The following NOTCH3 variants were observed in gnomAD, a reference collection of about 807,000 sequenced individuals.
NOTCH3 encodes notch receptor 3.
Under a neutral mutation model 213.3 loss-of-function variants are expected in NOTCH3, and 86 were observed. The observed-to-expected ratio is 0.40, with a 90% CI of 0.34 to 0.48. NOTCH3 has a LOEUF of 0.48. Ranked by LOEUF, NOTCH3 falls within the 20% of genes least tolerant of loss-of-function variation. The pLI, the probability that NOTCH3 is intolerant of heterozygous loss-of-function variation, is 0.57. For missense variants in NOTCH3, 2,783 were observed against 3,272.6 expected (o/e 0.85, Z 3.65); for synonymous variants, 1,354 against 1,355.9 (o/e 1.00, Z 0.03).
At chr19:15,176,159 A>ATTTTTTTTT (rs34620350) in intron 24 of NOTCH3, among the ~76,000 whole-genome samples, 1 of 119,980 alleles carries the variant, frequency 8.3e-6, no homozygotes, top group Non-Finnish European at 1.7e-5. Context: ...AACAAAAGCA[A>ATTTTTTTTT]TTTTTTTTTT....
At position 15,179,009 on chromosome 19, in the gene NOTCH3, C is replaced by T. The variant is rs767793469; in HGVS notation, c.3718+16G>A. 6.2e-7 allele frequency: 1 copy of T among 1,614,212 alleles called. No individual in the cohort carries two copies. The highest frequency in any genetic ancestry group is 1.1e-5 in the South Asian group (1 of 91,090). ...GACAGGCGGGGTCCCAGGCCAGCCCCTTCGCCAACGCTTACCTGAGAAGCC... is the reference window on the plus strand; with the variant it reads ...GACAGGCGGGGTCCCAGGCCAGCCCTTTCGCCAACGCTTACCTGAGAAGCC... On this transcript the variant is annotated intron_variant, in intron 22 of 32. Coordinates refer to ENST00000263388, the MANE Select transcript of NOTCH3 (RefSeq NM_000435.3).
At chr19:15,188,467 C>T in intron 8 of NOTCH3, 119 bp from the exon 9 acceptor site, 1 of 728,020 alleles carries the variant, frequency 1.4e-6, no homozygotes. Context: ...TCGTCCCCAC[C>T]TCTACACTCC....
intron 24 of NOTCH3, 40 bp from the exon 25 acceptor site, chr19:15,174,440 G>A (rs773220215): frequency 9.8e-6 from 14 of 1,434,950 alleles, no homozygotes; most frequent in South Asian, 4.1e-5. Flanking sequence ...CGGAGTCAGG[G>A]GTCAGAGGAG....
chr19:15,170,624 GC>G, intron 26 of NOTCH3, 46 bp downstream of exon 26: 4 of 1,546,338 alleles, frequency 2.6e-6, no homozygotes, highest in Admixed American at 1.9e-5. Flanking sequence ...GGCTTCGGCC[GC>G]CCCCAGCTCC....
chr19:15,178,189 GGA>G (rs990705859), intron 23 of NOTCH3, 99 bp from the exon 24 acceptor site: 1 of 712,542 alleles, frequency 1.4e-6, no homozygotes, highest in Non-Finnish European at 2.3e-6. Context: ...AGAGTCAAGG[GGA>G]GAGAGGGGGA....
chr19:15,180,364 G>T, intron 19 of NOTCH3, 108 bp from the exon 20 acceptor site: 5 of 1,226,376 alleles, frequency 4.1e-6, no homozygotes, highest in Non-Finnish European at 5.8e-6. Flanking sequence ...CCCCAGGATC[G>T]CACCCACACT....
In NOTCH3 at chr19:15,184,958, G is replaced by A. The variant is rs754220821; in HGVS notation, c.2358C>T (p.Cys786=). The A allele has an allele frequency of 3.2e-5, 49 of 1,548,392 alleles. No individual in the cohort carries two copies. The highest frequency in any genetic ancestry group is 1.7e-4 in the Middle Eastern group (1 of 5,792). The change falls in exon 15 of 33, where the codon TGC becomes TGT. Residue 786 remains cysteine (C), a synonymous_variant. Coordinates refer to ENST00000263388, the MANE Select transcript of NOTCH3 (RefSeq NM_000435.3). ...TPNPCEHGGR[C]ESAPGQLPVC... ...CAGGCAGCTGGCCAGGGGCAGACTC[G>A]CAGCGGCCCCCATGCTCACAGGGGT... is the stretch of plus-strand genomic sequence containing the variant.
At chr19:15,172,486 C>T (rs973480655) in intron 25 of NOTCH3, among the ~76,000 whole-genome samples, 1 of 151,748 alleles carries the variant, frequency 6.6e-6, no homozygotes, top group Non-Finnish European at 1.5e-5. Flanking sequence ...AACCACTCTC[C>T]TTCATCCCTC....
chr19:15,199,070 G>A (rs1376431927), intron 1 of NOTCH3, among the ~76,000 whole-genome samples: 1 of 152,212 alleles, frequency 6.6e-6, no homozygotes, highest in Non-Finnish European at 1.5e-5. Flanking sequence ...ACCTGTGGGT[G>A]TTCGTGAACT....
intron 24 of NOTCH3, among the ~76,000 whole-genome samples, chr19:15,175,590 T>TATATAC (rs150169616): frequency 1.9e-5 from 2 of 107,134 alleles, no homozygotes; most frequent in Admixed American, 1.2e-4. Context: ...TATATGTATA[T>TATATAC]ACACACACAC....
At chr19:15,193,298 G>C (rs1191374620) in intron 2 of NOTCH3, among the ~76,000 whole-genome samples, 1 of 151,212 alleles carries the variant, frequency 6.6e-6, no homozygotes, top group African/African-American at 2.4e-5. Context: ...GTGCAGTGGC[G>C]CGATCTTGGC....
At position 15,159,772 on chromosome 19, in the gene NOTCH3, G is replaced by A. The variant is rs1044123; in HGVS notation, c.*890C>T. On this transcript the variant is annotated 3_prime_UTR_variant, in exon 33 of 33. Transcript: ENST00000263388. The stretch of plus-strand genomic sequence containing the variant: ...CCTAAAAATACCTCTATTCTGCCAT[G>A]AGGCTGGGCCAGAGGATTACCAGGA... The A allele has an allele frequency of 0.7, 162,150 of 233,184 alleles. 57,613 individuals are homozygous for A. Among genetic ancestry groups the A allele is most frequent in the Non-Finnish European group, 0.77 (90,668 of 117,934 alleles). 14.4% of individuals were successfully genotyped at this position (233,184 alleles called of 1,614,324 possible).
chr19:15,197,173 G>A (rs558814254), intron 2 of NOTCH3, among the ~76,000 whole-genome samples: 1 of 152,258 alleles, frequency 6.6e-6, no homozygotes, highest in African/African-American at 2.4e-5. Context: ...CCTACCTCAT[G>A]GGGGGCTTTA....
intron 24 of NOTCH3, among the ~76,000 whole-genome samples, chr19:15,175,573 A>G (rs2046781779): frequency 2.6e-5 from 1 of 38,182 alleles, no homozygotes; most frequent in East Asian, 5.7e-4. Flanking sequence ...ATATATATAT[A>G]TGTATATATA....
Position 15,180,188 on chromosome 19 carries a change from C to G in NOTCH3, c.3211G>C (p.Val1071Leu), listed in dbSNP as rs760205888. 3.1e-6 allele frequency: 5 copies of G among 1,613,880 alleles called. No individual in the cohort carries two copies. The highest frequency in any genetic ancestry group is 4.2e-6 in the Non-Finnish European group (5 of 1,179,962). ...CTACCAGTACGGCCCTCTGGGCACA[C>G]GCAGTAGTGGGAGCTGTCTTCATCC... ...CVDEDSSHYC[V>L]CPEGRTGSHC... Residue 1071 changes from valine to leucine, a missense_variant, in exon 20 of 33, where the codon GTG becomes CTG. Physicochemically the swap from Val to Leu is conservative, Grantham distance 32. Around this residue, in one of 6 missense-constraint regions of NOTCH3, gnomAD observed 861 missense variants for 909.1 expected, o/e 0.95. Coordinates refer to ENST00000263388, the MANE Select transcript of NOTCH3 (RefSeq NM_000435.3).
In NOTCH3 at chr19:15,160,174, G is replaced by A. The variant is rs372607689; in HGVS notation, c.*488C>T. ...TAGGTACACAGAATCCAGCTTGGCCGAATGGGCCCACAGACTCAGCCCCAC... is the reference window on the plus strand; with the variant it reads ...TAGGTACACAGAATCCAGCTTGGCCAAATGGGCCCACAGACTCAGCCCCAC... On this transcript the variant is annotated 3_prime_UTR_variant, in exon 33 of 33. Coordinates refer to ENST00000263388, the MANE Select transcript of NOTCH3 (RefSeq NM_000435.3). 10 of 239,156 alleles carry A rather than the reference G, an allele frequency of 4.2e-5. No homozygotes were observed. Among genetic ancestry groups the A allele is most frequent in the East Asian group, 1.8e-4 (3 of 16,730 alleles). The allele number at this position is 239,156 out of a possible 1,614,324, so 14.8% of individuals were successfully genotyped here.
At chr19:15,166,920 T>A (rs994295253) in intron 29 of NOTCH3, among the ~76,000 whole-genome samples, 1 of 149,638 alleles carries the variant, frequency 6.7e-6, no homozygotes, top group African/African-American at 2.5e-5. Context: ...CACGTGACCC[T>A]AGTCTGTCCA....
At chr19:15,196,501 C>T in intron 2 of NOTCH3, among the ~76,000 whole-genome samples, 1 of 152,088 alleles carries the variant, frequency 6.6e-6, no homozygotes, top group East Asian at 1.9e-4. Flanking sequence ...CCAGACCCAC[C>T]CAGCTTGGGC....
Position 15,164,214 on chromosome 19 carries a change from A to G in NOTCH3, c.5815+1154T>C, listed in dbSNP as rs531618983. The stretch of plus-strand genomic sequence containing the variant: ...TTGTATGGCATGTTAATTATATCTC[A>G]ATAAAGCAGTTTTTTGTTTTTTGTT... On this transcript the variant is annotated intron_variant, in intron 31 of 32. Transcript: ENST00000263388. 2.2e-4 allele frequency among the ~76,000 whole-genome samples: 25 copies of G among 115,468 alleles called. No homozygotes were observed. The East Asian group carries it at 6.0e-3, about 28-fold the overall frequency. The allele number at this position is 115,468 out of a possible 152,430, so 75.8% of individuals were successfully genotyped here. A position where few individuals can be genotyped will look rare whatever the true frequency, so the allele number is the denominator to read the frequency against.
Sources: gnomAD v4.1 joint callset for allele counts (sites outside exome capture counted in the v4.1 genomes callset) on GRCh38, gnomAD v4.1.1 for gene constraint, gnomAD v4.1.1 regional missense constraint, MANE v1.5 for transcripts, NCBI Gene and HGNC (gene_info 2026-07-23, HGNC 2026-07-21) for gene names.